CACNA1C: variants seen among roughly 807,000 people sequenced by gnomAD.
CACNA1C encodes the protein voltage-dependent L-type calcium channel subunit alpha-1C.
A neutral mutation model predicts 229.0 loss-of-function variants in CACNA1C; 30 were observed. The ratio of observed to expected loss-of-function variants is 0.13; its 90% CI spans 0.10 to 0.18. CACNA1C has a LOEUF of 0.18. Among genes scored for constraint, CACNA1C ranks in the 10% least tolerant of loss-of-function variants. The pLI is 1.00. For synonymous variants in CACNA1C, 1,114 were observed against 1,132.5 expected, an observed-to-expected ratio of 0.98 and a Z score of 0.33; for missense variants, 1,658 against 2,845.0, an observed-to-expected ratio of 0.58 and a Z score of 9.49.
chr12:2,337,970 C>T (rs1355950549), intron 3 of CACNA1C, among the ~76,000 whole-genome samples: 3 of 152,186 alleles, frequency 2.0e-5, no homozygotes, highest in African/African-American at 7.2e-5. Flanking sequence ...TTAATTGTCC[C>T]CTTTCTCTGC....
chr12:1,993,345 T>A, intron 1 of CACNA1C: 1 of 1,614,104 alleles, frequency 6.2e-7, no homozygotes, highest in Admixed American at 1.7e-5. Context: ...CTATTTTCCA[T>A]GCTCAGCCTA....
chr12:2,365,024 C>T lies in CACNA1C; in HGVS notation c.478-83952C>T, dbSNP rs185216677. Among the ~76,000 whole-genome samples the T allele has an allele frequency of 1.4e-3, 219 of 152,348 alleles. 1 individual carries two copies. Among genetic ancestry groups the T allele is most frequent in the African/African-American group, 5.0e-3 (206 of 41,582 alleles). On this transcript the variant is annotated intron_variant, in intron 3 of 46. Transcript: ENST00000399655. ...TACAGGCTAGAAACAGAACAGCAGA[C>T]GCTGCCACAAAGGAATTGACCCAAT...
intron 29 of CACNA1C, among the ~76,000 whole-genome samples, chr12:2,617,594 G>C (rs1220113139): frequency 6.6e-6 from 1 of 152,226 alleles, no homozygotes; most frequent in Non-Finnish European, 1.5e-5. Flanking sequence ...TTCTCTGCAG[G>C]CTCTGCTGTT....
At chr12:2,657,311 T>C (rs2095474126) in intron 34 of CACNA1C, among the ~76,000 whole-genome samples, 1 of 152,208 alleles carries the variant, frequency 6.6e-6, no homozygotes, top group Non-Finnish European at 1.5e-5. Context: ...TTATGTTATC[T>C]CTACAAGGTA....
chr12:2,281,170 C>A (rs1416784681), intron 3 of CACNA1C, among the ~76,000 whole-genome samples: 1 of 147,420 alleles, frequency 6.8e-6, no homozygotes, highest in African/African-American at 2.5e-5. Context: ...GTTACTAAAC[C>A]CCTTCACATA....
rs560348576 is a variant in CACNA1C at position 2,533,862 on chromosome 12, C to T, written c.1391-16081C>T. ...CTGGAGACGCCTTCCCCAGTAGTCTCCCCAGGTTGTTGGGAGCATGAAATG... is the reference window on the plus strand; with the variant it reads ...CTGGAGACGCCTTCCCCAGTAGTCTTCCCAGGTTGTTGGGAGCATGAAATG... On this transcript the variant is annotated intron_variant, in intron 9 of 46. Coordinates refer to ENST00000399655, the MANE Select transcript of CACNA1C (RefSeq NM_000719.7). Among the ~76,000 whole-genome samples the T allele has an allele frequency of 2.0e-5, 3 of 152,284 alleles. No individual in the cohort carries two copies. In the South Asian group the frequency reaches 6.2e-4, roughly 32 times the overall value.
intron 3 of CACNA1C, among the ~76,000 whole-genome samples, chr12:2,353,051 C>T (rs2097252989): frequency 6.6e-6 from 1 of 152,162 alleles, no homozygotes; most frequent in Non-Finnish European, 1.5e-5. Context: ...TGGTTGAGCG[C>T]TCCACGTGCA....
At chr12:2,448,881 A>G (rs1567740415) in intron 3 of CACNA1C, 95 bp from the exon 4 acceptor site, 2 of 1,068,754 alleles carry the variant, frequency 1.9e-6, no homozygotes, top group East Asian at 2.5e-5. Context: ...GGGCAGCATT[A>G]TCTTCCACCT....
chr12:2,290,766 C>A (rs1405484770), intron 3 of CACNA1C, among the ~76,000 whole-genome samples: 2 of 152,156 alleles, frequency 1.3e-5, no homozygotes, highest in African/African-American at 4.8e-5. Context: ...AGGACTCCTA[C>A]CAGCGTGGAA....
At chr12:2,378,346 C>T (rs145678435) in intron 3 of CACNA1C, among the ~76,000 whole-genome samples, 2,647 of 152,214 alleles carry the variant, frequency 0.017, 71 homozygotes, top group African/African-American at 0.06. Flanking sequence ...TGCCAGATTC[C>T]AGCACCCCTC....
chr12:2,404,995 T>C (rs1054570444), intron 3 of CACNA1C, among the ~76,000 whole-genome samples: 11 of 152,214 alleles, frequency 7.2e-5, no homozygotes, highest in African/African-American at 2.7e-4. Context: ...GAACTTATTC[T>C]GTTAAGGGAG....
intron 1 of CACNA1C, chr12:2,004,579 C>G (rs1008614127): frequency 8.4e-7 from 1 of 1,194,740 alleles, no homozygotes; most frequent in Admixed American, 2.8e-5. Flanking sequence ...ACCCTCCTGC[C>G]CGCCGACAGA....
intron 5 of CACNA1C, among the ~76,000 whole-genome samples, chr12:2,460,756 T>C (rs2099495466): frequency 6.6e-6 from 1 of 152,224 alleles, no homozygotes. Flanking sequence ...TTTGCTGTTG[T>C]GGGTGCCTTG....
At chr12:2,306,750 G>A (rs977028928) in intron 3 of CACNA1C, among the ~76,000 whole-genome samples, 11 of 152,238 alleles carry the variant, frequency 7.2e-5, no homozygotes, top group East Asian at 3.8e-4. Context: ...CGCTAAACAA[G>A]TTGATGTGCC....
chr12:2,356,165 A>G (rs796629133), intron 3 of CACNA1C, among the ~76,000 whole-genome samples: 9 of 152,366 alleles, frequency 5.9e-5, no homozygotes, highest in African/African-American at 2.2e-4. Context: ...TTGCTTCACA[A>G]TCAAGAAGTG....
intron 3 of CACNA1C, among the ~76,000 whole-genome samples, chr12:2,350,583 G>A (rs1353112376): frequency 1.3e-5 from 2 of 152,220 alleles, no homozygotes; most frequent in South Asian, 4.1e-4. Context: ...GAGGAAGTGT[G>A]CTGGGCTGCG....
chr12:2,379,207 C>T (rs575587411), intron 3 of CACNA1C, among the ~76,000 whole-genome samples: 3 of 152,294 alleles, frequency 2.0e-5, no homozygotes, highest in African/African-American at 7.2e-5. Flanking sequence ...TTGTACTGTA[C>T]AATTTTCTGG....
rs1601715985 is a variant in CACNA1C at position 2,602,074 on chromosome 12, G to T, written c.2960+114G>T. On this transcript the variant is annotated intron_variant, in intron 22 of 46. Transcript: ENST00000399655. This position sits in a 1 kb window ranked among gnomAD's most constrained non-coding sequence, Gnocchi z 4.4. ...AGGGCCACCGCAGTGTGATGAGAGT[G>T]GGGTGGGGCCTCCAAAGCTGTGCAT... 8.4e-6 allele frequency: 6 copies of T among 710,438 alleles called. No individual in the cohort carries two copies. In the East Asian group the frequency reaches 1.6e-4, roughly 18 times the overall value. 44.0% of individuals were successfully genotyped at this position (710,438 alleles called of 1,614,324 possible).
chr12:2,438,054 ATGG>A (rs141377008), intron 3 of CACNA1C, among the ~76,000 whole-genome samples: 13,123 of 132,246 alleles, frequency 0.099, 646 homozygotes, highest in South Asian at 0.12. Context: ...GGTGGTAATG[ATGG>A]TGGTGATGAT....
Sources: allele counts gnomAD v4.1 joint callset (sites outside exome capture counted in the v4.1 genomes callset), GRCh38; gene constraint gnomAD v4.1.1; non-coding constraint Gnocchi (gnomAD v3.1); transcripts MANE v1.5; gene names NCBI Gene and HGNC (gene_info 2026-07-23, HGNC 2026-07-21).